The following GABRA1 variants were observed in gnomAD, a reference collection of about 807,000 sequenced individuals.
GABRA1 encodes gamma-aminobutyric acid type A receptor subunit alpha1.
GABRA1 carries 9 observed loss-of-function variants against 48.9 expected under a neutral mutation model. That is an observed-to-expected ratio of 0.18 (90% CI 0.11 to 0.32). The LOEUF (loss-of-function observed/expected upper bound fraction) is 0.32. Ranked by LOEUF, GABRA1 falls within the 10% of genes least tolerant of loss-of-function variation. The pLI is 1.00. For synonymous variants in GABRA1, 210 were observed against 198.7 expected (o/e 1.06, Z -0.48); for missense variants, 285 against 553.8 (o/e 0.51, Z 4.87).
At chr5:161,893,048 T>TAAAAAAA (rs3078113) in intron 8 of GABRA1, among the ~76,000 whole-genome samples, 9 of 141,992 alleles carry the variant, frequency 6.3e-5, no homozygotes, top group African/African-American at 1.0e-4. Context: ...ATAATAATAA[T>TAAAAAAA]AAAATAAACA....
At chr5:161,871,217 T>G (rs1168880296) in intron 4 of GABRA1, among the ~76,000 whole-genome samples, 1 of 152,154 alleles carries the variant, frequency 6.6e-6, no homozygotes, top group Non-Finnish European at 1.5e-5. Flanking sequence ...TAACATTTAT[T>G]TTATTTTCAT....
intron 2 of GABRA1, 26 bp downstream of exon 2, chr5:161,850,910 C>T: frequency 1.3e-6 from 2 of 1,584,044 alleles, no homozygotes; most frequent in Non-Finnish European, 8.7e-7. Context: ...TAAAAATCTG[C>T]ATGAAAATTT....
intron 3 of GABRA1, among the ~76,000 whole-genome samples, chr5:161,859,210 C>T (rs1487752767): frequency 6.6e-6 from 1 of 151,716 alleles, no homozygotes; most frequent in Non-Finnish European, 1.5e-5. Context: ...TTAACAGTAA[C>T]ATATTATTTT....
In GABRA1 at chr5:161,855,814, A is replaced by G. The variant is rs1263030598; in HGVS notation, c.187+1544A>G. Among the ~76,000 whole-genome samples, 5 of 151,486 alleles carry G rather than the reference A, an allele frequency of 3.3e-5. No homozygotes were observed. In the East Asian group the frequency reaches 5.8e-4, roughly 18 times the overall value. Reference sequence around the variant, plus strand: ...CTTTACCTAATCTCCTCCCTACCCTATGATCTCATTCCCTAAAAAGTCAGC... The same window carrying G: ...CTTTACCTAATCTCCTCCCTACCCTGTGATCTCATTCCCTAAAAAGTCAGC... On this transcript the variant is annotated intron_variant, in intron 3 of 9. Coordinates refer to ENST00000393943, the MANE Select transcript of GABRA1 (RefSeq NM_001127644.2).
intron 7 of GABRA1, among the ~76,000 whole-genome samples, chr5:161,889,788 A>G (rs1305550084): frequency 6.6e-6 from 1 of 152,042 alleles, no homozygotes; most frequent in East Asian, 1.9e-4. Flanking sequence ...GCTGCTAAAC[A>G]TTCTGCAATA....
At chr5:161,861,353 G>A (rs1351804351) in intron 3 of GABRA1, among the ~76,000 whole-genome samples, 1 of 151,760 alleles carries the variant, frequency 6.6e-6, no homozygotes, top group Non-Finnish European at 1.5e-5. Flanking sequence ...GAAACCCATT[G>A]CTCCAACAGC....
intron 3 of GABRA1, among the ~76,000 whole-genome samples, chr5:161,857,828 A>G (rs139516266): frequency 1.8e-4 from 28 of 151,682 alleles, no homozygotes; most frequent in African/African-American, 6.0e-4. Context: ...TAATCACTTT[A>G]TTTGGTGGCA....
chr5:161,857,957 G>GA (rs755066862), intron 3 of GABRA1, among the ~76,000 whole-genome samples: 102 of 143,264 alleles, frequency 7.1e-4, no homozygotes, highest in Non-Finnish European at 1.4e-3. Context: ...ATAAAAGTCA[G>GA]AAAAAATGGG....
At chr5:161,855,736 T>C (rs1230643881) in intron 3 of GABRA1, among the ~76,000 whole-genome samples, 1 of 151,390 alleles carries the variant, frequency 6.6e-6, no homozygotes, top group East Asian at 1.9e-4. Flanking sequence ...GCTAGTGATA[T>C]AAATTTTACA....
intron 3 of GABRA1, among the ~76,000 whole-genome samples, chr5:161,856,669 CT>C (rs1168080245): frequency 2.0e-5 from 3 of 150,708 alleles, no homozygotes; most frequent in East Asian, 1.9e-4. Context: ...ACTGATTAAA[CT>C]TTTTTTTAAA....
At chr5:161,895,941 C>T (rs948845840) in intron 9 of GABRA1, 73 bp downstream of exon 9, 2 of 1,329,636 alleles carry the variant, frequency 1.5e-6, no homozygotes, top group Non-Finnish European at 2.2e-6. Flanking sequence ...GATGTTTTGG[C>T]CTGTGGTATT....
At chr5:161,879,184 C>T (rs187345136) in intron 6 of GABRA1, among the ~76,000 whole-genome samples, 8 of 152,308 alleles carry the variant, frequency 5.3e-5, no homozygotes, top group Admixed American at 5.2e-4. Flanking sequence ...TCAGGGCTCA[C>T]TGCTGGCTCA....
Position 161,870,152 on chromosome 5 carries a change from C to T in GABRA1, c.256-2965C>T, listed in dbSNP as rs189254687. On this transcript the variant is annotated intron_variant, in intron 4 of 9. Transcript: ENST00000393943. ...ATTTTATAGATTAAGAAACTGGGGACTTAGCAAGCGTAAAATAATTACCTA... is the reference window on the plus strand; with the variant it reads ...ATTTTATAGATTAAGAAACTGGGGATTTAGCAAGCGTAAAATAATTACCTA... Among the ~76,000 whole-genome samples the T allele has an allele frequency of 2.8e-4, 42 of 152,210 alleles. 1 individual carries two copies. The highest frequency in any genetic ancestry group is 7.2e-4 in the African/African-American group (30 of 41,534).
At chr5:161,876,410 G>A (rs1203943181) in intron 6 of GABRA1, among the ~76,000 whole-genome samples, 7 of 152,028 alleles carry the variant, frequency 4.6e-5, no homozygotes, top group Non-Finnish European at 7.4e-5. Context: ...TTCCTGCAGG[G>A]GAGTTATGTA....
rs75423500 is a variant in GABRA1 at position 161,854,158 on chromosome 5, C to A, written c.75C>A (p.Ser25Arg). ...TGCTTCTCTTTATGTTTTTTTTCAG[C>A]TATGGACAGCCGTCATTACAAGATG... ...ILLLSTLTGR[S>R]YGQPSLQDEL... Residue 25 changes from serine to arginine, a missense_variant and splice_region_variant, in exon 3 of 10, where the codon AGC becomes AGA. Ser to Arg is a moderately radical substitution (Grantham distance 110, BLOSUM62 -1). Coordinates refer to ENST00000393943, the MANE Select transcript of GABRA1 (RefSeq NM_001127644.2). The A allele has an allele frequency of 6.5e-7, 1 of 1,537,480 alleles. No individual in the cohort carries two copies. The highest frequency in any genetic ancestry group is 9.0e-7 in the Non-Finnish European group (1 of 1,112,672).
chr5:161,853,854 G>A (rs1757542424), intron 2 of GABRA1: 1 of 211,508 alleles, frequency 4.7e-6, no homozygotes, highest in East Asian at 1.0e-4. Flanking sequence ...ATGTGCATTA[G>A]CATTCTTGCT....
Position 161,875,634 on chromosome 5 carries a change from T to G in GABRA1, c.551T>G (p.Phe184Cys). ...PMDAHACPLK[F>C]GSYAYTRAEV... ...GATGCCCATGCTTGCCCACTAAAAT[T>G]TGGAAGTTGTGAGTAAATTTATATG... The change falls in exon 6 of 10, where the codon TTT (phenylalanine) becomes TGT (cysteine). Residue 184 changes from phenylalanine (F) to cysteine (C), a missense_variant. Physicochemically the swap from Phe to Cys is radical, Grantham distance 205. Around this residue, in one of 6 missense-constraint regions of GABRA1, gnomAD observed 105 missense variants for 267.4 expected, o/e 0.39. Coordinates refer to ENST00000393943, the MANE Select transcript of GABRA1 (RefSeq NM_001127644.2). 6.2e-7 allele frequency: 1 copy of G among 1,612,362 alleles called. No homozygotes were observed.
chr5:161,879,445 G>T (rs1217779957), intron 6 of GABRA1, among the ~76,000 whole-genome samples: 2 of 152,064 alleles, frequency 1.3e-5, no homozygotes, highest in African/African-American at 4.8e-5. Context: ...CTTTTTTGGG[G>T]GCATTATAAT....
intron 6 of GABRA1, 86 bp from the exon 7 acceptor site, chr5:161,882,472 A>C: frequency 7.8e-7 from 1 of 1,283,870 alleles, no homozygotes; most frequent in South Asian, 1.2e-5. Flanking sequence ...ATGATATAGA[A>C]AATATGAAGC....
Sources: allele counts gnomAD v4.1 joint callset (sites outside exome capture counted in the v4.1 genomes callset), GRCh38; gene constraint gnomAD v4.1.1; regional missense constraint gnomAD v4.1.1; transcripts MANE v1.5; gene names NCBI Gene and HGNC (gene_info 2026-07-23, HGNC 2026-07-21).